Variants in BDNF observed in about 807,000 individuals in gnomAD.
BDNF encodes neurotrophic factor BDNF precursor form.
In BDNF, 1 loss-of-function variant was observed where a neutral mutation model predicts 19.5. The observed-to-expected ratio is 0.05, with a 90% confidence interval of 0.02 to 0.24. The LOEUF is 0.24. Ranked by LOEUF, BDNF falls within the 10% of genes least tolerant of loss-of-function variation. The pLI is 1.00. For missense variants in BDNF, 195 were observed against 317.6 expected (o/e 0.61, Z 2.93); for synonymous variants, 100 against 121.6 (o/e 0.82, Z 1.17).
chr11:27,667,175 T>G (rs1307075880), intron 1 of BDNF, among the ~76,000 whole-genome samples: 1 of 152,070 alleles, frequency 6.6e-6, no homozygotes, highest in African/African-American at 2.4e-5. Flanking sequence ...CTAAGCTTCA[T>G]AAGTGAAGGA....
intron 1 of BDNF, among the ~76,000 whole-genome samples, chr11:27,716,721 G>T (rs1275530353): frequency 6.6e-6 from 1 of 152,126 alleles, no homozygotes; most frequent in Non-Finnish European, 1.5e-5. Flanking sequence ...TTATTTAAGT[G>T]GTTAGACTAG....
chr11:27,721,319 G>T, intron 1 of BDNF: 2 of 1,414,288 alleles, frequency 1.4e-6, no homozygotes, highest in South Asian at 1.1e-5. Context: ...CTGTTCTTTG[G>T]CGTGTGAAGT....
chr11:27,703,181 T>C (rs1859979759), upstream of BDNF, among the ~76,000 whole-genome samples: 1 of 152,274 alleles, frequency 6.6e-6, no homozygotes, highest in East Asian at 1.9e-4. Context: ...GGCATGAAGC[T>C]GGATACCGCT....
At chr11:27,713,280 G>T (rs961430935) in intron 1 of BDNF, among the ~76,000 whole-genome samples, 2 of 152,228 alleles carry the variant, frequency 1.3e-5, no homozygotes, top group African/African-American at 4.8e-5. Flanking sequence ...GAAAGCAGAA[G>T]AAATCATTGT....
At chr11:27,684,813 G>T (rs1857273603) in intron 1 of BDNF, among the ~76,000 whole-genome samples, 1 of 152,062 alleles carries the variant, frequency 6.6e-6, no homozygotes, top group South Asian at 2.1e-4. Context: ...GTTTTTTATT[G>T]AAGATTTTTG....
chr11:27,709,883 A>G (rs76368953), intron 1 of BDNF, among the ~76,000 whole-genome samples: 3,715 of 152,318 alleles, frequency 0.024, 147 homozygotes, highest in African/African-American at 0.085. Context: ...ATTTCAATGC[A>G]TGAAGGGAAT....
chr11:27,671,233 C>T (rs1326924998), intron 1 of BDNF, among the ~76,000 whole-genome samples: 1 of 151,666 alleles, frequency 6.6e-6, no homozygotes, highest in Admixed American at 6.6e-5. Context: ...GTGCAGCACA[C>T]CAACATGGCA....
At chr11:27,703,754 C>T (rs1860003795), upstream of BDNF, among the ~76,000 whole-genome samples, 2 of 152,172 alleles carry the variant, frequency 1.3e-5, no homozygotes, top group African/African-American at 4.8e-5. Context: ...AAAAGAAGAT[C>T]AGATGCCAAT....
In BDNF at chr11:27,658,677, C is replaced by T. The variant is rs1243624809; in HGVS notation, c.-21-92G>A. 3.1e-6 allele frequency: 5 copies of T among 1,609,742 alleles called. No individual in the cohort carries two copies. Among genetic ancestry groups the T allele is most frequent in the Non-Finnish European group, 4.2e-6 (5 of 1,178,282 alleles). Reference sequence around the variant, plus strand: ...GGCCCATCTGATTGTAATTCCAGGCCATTCTGCAGGGTCAAGGTTTTTTTA... The same window carrying T: ...GGCCCATCTGATTGTAATTCCAGGCTATTCTGCAGGGTCAAGGTTTTTTTA... On this transcript the variant is annotated intron_variant, in intron 1 of 1. Coordinates refer to ENST00000356660, the MANE Select transcript of BDNF (RefSeq NM_001709.5). The surrounding 1 kb of genome is among the most constrained non-coding windows in gnomAD (Gnocchi z 5.7).
rs950565439 is a variant in BDNF at position 27,674,721 on chromosome 11, G to A, written c.-21-16136C>T. On this transcript the variant is annotated intron_variant, in intron 1 of 1. Transcript: ENST00000356660. Reference sequence around the variant, plus strand: ...TGAAAACATCTGTTTATCTCCACCCGTTTTCACTAAACACTGATTCCTATA... The same window carrying A: ...TGAAAACATCTGTTTATCTCCACCCATTTTCACTAAACACTGATTCCTATA... The A allele has an allele frequency of 3.4e-5, 33 of 984,908 alleles. No homozygotes were observed. In the African/African-American group the frequency reaches 4.4e-4, roughly 13 times the overall value. 61.0% of individuals were successfully genotyped at this position (984,908 alleles called of 1,614,324 possible).
chr11:27,720,004 G>T (rs977198581), intron 1 of BDNF, among the ~76,000 whole-genome samples: 12 of 151,904 alleles, frequency 7.9e-5, no homozygotes, highest in African/African-American at 2.9e-4. Context: ...AATTAGTAAT[G>T]AATCTACTGT....
rs1182832997 is a variant in BDNF at position 27,697,164 on chromosome 11, C to CACAGAGAGAGAGAG, written c.-22+2999_-22+3000insCTCTCTCTCTCTGT. The stretch of plus-strand genomic sequence containing the variant: ...GCACGCACACACACACACACACACA[C>CACAGAGAGAGAGAG]AGAGAGAGAGAGAGAGAGAGAGAGA... On this transcript the variant is annotated intron_variant, in intron 1 of 1. Coordinates refer to ENST00000356660, the MANE Select transcript of BDNF (RefSeq NM_001709.5). Among the ~76,000 whole-genome samples the CACAGAGAGAGAGAG allele has an allele frequency of 6.8e-5, 9 of 133,166 alleles. No homozygotes were observed. In the South Asian group the frequency reaches 2.7e-3, roughly 40 times the overall value. The allele number at this position is 133,166 out of a possible 152,430, so 87.4% of individuals were successfully genotyped here.
chr11:27,701,202 A>G, upstream of BDNF: 1 of 1,182,234 alleles, frequency 8.5e-7, no homozygotes, highest in Non-Finnish European at 1.1e-6. Context: ...TGTTCCAGCC[A>G]GGAAGCCCAG....
chr11:27,707,667 TA>T (rs1241469359), intron 1 of BDNF, among the ~76,000 whole-genome samples: 8 of 152,202 alleles, frequency 5.3e-5, no homozygotes, highest in Admixed American at 4.6e-4. Context: ...TAATGTTTCA[TA>T]AAAGTTGAAG....
chr11:27,719,713 A>C (rs959578201), intron 1 of BDNF: 6 of 626,994 alleles, frequency 9.6e-6, no homozygotes, highest in Non-Finnish European at 9.2e-6. Flanking sequence ...AGAATGAGGG[A>C]GGGATGGAGG....
In BDNF at chr11:27,657,672, T is replaced by C. The variant is rs893893378; in HGVS notation, c.*149A>G. On this transcript the variant is annotated 3_prime_UTR_variant, in exon 2 of 2. Transcript: ENST00000356660. The surrounding 1 kb of genome is among the most constrained non-coding windows in gnomAD (Gnocchi z 5.0). Reference sequence around the variant, plus strand: ...GTCATGGACATGTCCAATAAATAGATTGTAGAACCACTGTACTGTATAAAC... The same window carrying C: ...GTCATGGACATGTCCAATAAATAGACTGTAGAACCACTGTACTGTATAAAC... The C allele has an allele frequency of 2.1e-5, 30 of 1,447,568 alleles. No individual in the cohort carries two copies. The highest frequency in any genetic ancestry group is 2.5e-5 in the Non-Finnish European group (28 of 1,108,692). 89.7% of individuals were successfully genotyped at this position (1,447,568 alleles called of 1,614,324 possible). A position where few individuals can be genotyped will look rare whatever the true frequency, so the allele number is the denominator to read the frequency against.
At chr11:27,718,562 C>A (rs1275387096) in intron 1 of BDNF, among the ~76,000 whole-genome samples, 1 of 136,234 alleles carries the variant, frequency 7.3e-6, no homozygotes, top group Non-Finnish European at 1.6e-5. Flanking sequence ...CCGCCACGCT[C>A]CCCTGCCCGC....
intron 1 of BDNF, chr11:27,660,210 C>A: frequency 8.1e-7 from 1 of 1,229,170 alleles, no homozygotes; most frequent in South Asian, 1.5e-5. Context: ...TATTGAAAAG[C>A]AAATGTTCTC....
chr11:27,672,392 T>A (rs1855511879), intron 1 of BDNF, among the ~76,000 whole-genome samples: 5 of 152,112 alleles, frequency 3.3e-5, no homozygotes. Context: ...AGATGTCCAG[T>A]CACACTAGTA....
Sources: gnomAD v4.1 joint callset for allele counts (sites outside exome capture counted in the v4.1 genomes callset) on GRCh38, gnomAD v4.1.1 for gene constraint, Gnocchi (gnomAD v3.1) non-coding constraint, MANE v1.5 for transcripts, NCBI Gene and HGNC (gene_info 2026-07-23, HGNC 2026-07-21) for gene names.